CEP164: variants seen among roughly 807,000 people sequenced by gnomAD.
The protein encoded by CEP164 is centrosomal protein 164, also known as centrosomal protein of 164 kDa.
CEP164 carries 162 observed loss-of-function variants against 182.7 expected under a neutral mutation model. That is an observed-to-expected ratio of 0.89 (90% CI 0.78 to 1.01). The LOEUF is 1.01. Among genes scored for constraint, CEP164 ranks in the 50% least tolerant of loss-of-function variants. The pLI is 0.00. For synonymous variants in CEP164, 661 were observed against 690.0 expected, an observed-to-expected ratio of 0.96 and a Z score of 0.66; for missense variants, 1,735 against 1,790.4, an observed-to-expected ratio of 0.97 and a Z score of 0.56.
rs1421596312 is a variant in CEP164 at position 117,412,269 on chromosome 11, C to T, written c.*101C>T. ...TTCCATCTGAGAAAGCACCCTCCTT[C>T]CCCCTTTGACTTGCAGGAGCCACCA... On this transcript the variant is annotated 3_prime_UTR_variant, in exon 33 of 33. Transcript: ENST00000278935. 1.9e-5 allele frequency: 20 copies of T among 1,058,720 alleles called. No homozygotes were observed. The South Asian group carries it at 2.7e-4, about 14-fold the overall frequency. 65.6% of individuals were successfully genotyped at this position (1,058,720 alleles called of 1,614,324 possible). A position where few individuals can be genotyped will look rare whatever the true frequency, so the allele number is the denominator to read the frequency against.
chr11:117,340,855 A>T (rs765769906), intron 3 of CEP164, among the ~76,000 whole-genome samples: 21 of 152,002 alleles, frequency 1.4e-4, no homozygotes, highest in Non-Finnish European at 2.6e-4. Flanking sequence ...CTCTTTAGAG[A>T]CGGAGTCTCA....
intron 8 of CEP164, among the ~76,000 whole-genome samples, chr11:117,363,751 C>T (rs565844528): frequency 3.4e-5 from 5 of 147,304 alleles, no homozygotes; most frequent in Admixed American, 2.7e-4. Context: ...TACCTAAAAC[C>T]TCCAATGCTT....
chr11:117,340,778 C>A (rs1460975451), intron 3 of CEP164, among the ~76,000 whole-genome samples: 1 of 152,192 alleles, frequency 6.6e-6, no homozygotes, highest in Non-Finnish European at 1.5e-5. Context: ...CCTGTCTGGG[C>A]TTCCCAAAGT....
upstream of CEP164, chr11:117,323,877 C>A (rs1244359773): frequency 2.4e-6 from 1 of 410,806 alleles, no homozygotes; most frequent in South Asian, 1.7e-5. Context: ...TACCTGTTGG[C>A]CATTTGTATA....
chr11:117,408,039 C>T lies in CEP164; in HGVS notation c.3609+7C>T. On this transcript the variant is annotated splice_region_variant and intron_variant, in intron 28 of 32. Coordinates refer to ENST00000278935, the MANE Select transcript of CEP164 (RefSeq NM_014956.5). ...GTCCTCTCTTTGGGAAGAGGTGCAG[C>T]CCCATGTCCACATAGTCCAGTGGGC... 6.4e-7 allele frequency: 1 copy of T among 1,566,138 alleles called. No individual in the cohort carries two copies. The highest frequency in any genetic ancestry group is 1.3e-5 in the African/African-American group (1 of 74,264).
intron 27 of CEP164, among the ~76,000 whole-genome samples, chr11:117,399,829 G>A (rs985104624): frequency 6.6e-6 from 1 of 152,054 alleles, no homozygotes; most frequent in African/African-American, 2.4e-5. Context: ...TTTTTGATGA[G>A]GTTGTTTGTT....
At chr11:117,346,069 G>A (rs954929749) in intron 4 of CEP164, among the ~76,000 whole-genome samples, 3 of 152,106 alleles carry the variant, frequency 2.0e-5, no homozygotes, top group Non-Finnish European at 2.9e-5. Flanking sequence ...CAATGTTTGA[G>A]GTGCTGAGGG....
rs542780137 is a variant in CEP164 at position 117,382,555 on chromosome 11, C to T, written c.1578-241C>T. Among the ~76,000 whole-genome samples the T allele has an allele frequency of 1.2e-4, 18 of 152,242 alleles. No homozygotes were observed. The East Asian group carries it at 1.7e-3, about 15-fold the overall frequency. On this transcript the variant is annotated intron_variant, in intron 13 of 32. Transcript: ENST00000278935. ...GCATCCACTGAACACCTGCTGTGTA[C>T]GGAGCTCCTGGGGTACCATAACCAT...
chr11:117,393,390 C>G (rs1447990902), intron 20 of CEP164, among the ~76,000 whole-genome samples: 1 of 152,166 alleles, frequency 6.6e-6, no homozygotes, highest in Non-Finnish European at 1.5e-5. Context: ...GGCAATTCCT[C>G]TTTTATCAGG....
At chr11:117,364,744 T>A (rs114689950) in intron 8 of CEP164, among the ~76,000 whole-genome samples, 187 of 152,148 alleles carry the variant, frequency 1.2e-3, no homozygotes, top group African/African-American at 3.9e-3. Context: ...GTGATCCACC[T>A]ACCTTGGGCT....
rs760170526 is a variant in CEP164 at position 117,393,027 on chromosome 11, G to A, written c.2517G>A (p.Lys839=). Residue 839 remains lysine (K), a synonymous_variant, in exon 20 of 33, where the codon AAG becomes AAA. Coordinates refer to ENST00000278935, the MANE Select transcript of CEP164 (RefSeq NM_014956.5). ...EHELSSLLRE[K]RQEVEGEHER... The stretch of plus-strand genomic sequence containing the variant: ...AGCTCAGCAGTCTCCTGCGAGAGAA[G>A]CGCCAGGAAGTGGAAGGGGAGCATG... The A allele has an allele frequency of 7.4e-6, 12 of 1,613,600 alleles. No individual in the cohort carries two copies. The African/African-American group carries it at 1.6e-4, about 22-fold the overall frequency.
chr11:117,412,041 C>A (rs377318236), intron 32 of CEP164, 31 bp from the exon 33 acceptor site: 1 of 1,612,266 alleles, frequency 6.2e-7, no homozygotes, highest in African/African-American at 1.3e-5. Context: ...CTATGCCCAG[C>A]GACTGCAGTT....
Position 117,328,455 on chromosome 11 carries a change from C to T in CEP164, c.-98+551C>T, listed in dbSNP as rs149777131. ...TTGCATTGGATTTAAAAATGTCCCT[C>T]TACCTCTGGCACCGCTCTCCTCACT... is the stretch of plus-strand genomic sequence containing the variant. On this transcript the variant is annotated intron_variant, in intron 1 of 32. Coordinates refer to ENST00000278935, the MANE Select transcript of CEP164 (RefSeq NM_014956.5). 9.3e-4 allele frequency among the ~76,000 whole-genome samples: 142 copies of T among 152,336 alleles called. 6 individuals are homozygous for T. In the East Asian group the frequency reaches 0.025, roughly 27 times the overall value.
At chr11:117,352,858 A>T (rs1225619883) in intron 5 of CEP164, among the ~76,000 whole-genome samples, 1 of 152,226 alleles carries the variant, frequency 6.6e-6, no homozygotes, top group Non-Finnish European at 1.5e-5. Context: ...AAGTGCTGGG[A>T]TTACTGGTAT....
intron 27 of CEP164, among the ~76,000 whole-genome samples, chr11:117,406,645 A>G (rs1437542187): frequency 6.6e-6 from 1 of 151,952 alleles, no homozygotes; most frequent in African/African-American, 2.4e-5. Flanking sequence ...ACACTTAGCA[A>G]AAGGCTTTGA....
At chr11:117,358,453 G>A (rs1375456755) in intron 5 of CEP164, among the ~76,000 whole-genome samples, 1 of 151,898 alleles carries the variant, frequency 6.6e-6, no homozygotes, top group Non-Finnish European at 1.5e-5. Flanking sequence ...ACATAGGCTG[G>A]TTTGAAGGGC....
At chr11:117,399,746 CT>C (rs376726375) in intron 27 of CEP164, among the ~76,000 whole-genome samples, 7,633 of 151,572 alleles carry the variant, frequency 0.05, 242 homozygotes, top group Non-Finnish European at 0.059. Flanking sequence ...TGATGATGAG[CT>C]TTTTTTTTAT....
intron 8 of CEP164, among the ~76,000 whole-genome samples, chr11:117,367,411 C>T (rs1222134730): frequency 6.6e-6 from 1 of 152,146 alleles, no homozygotes; most frequent in Non-Finnish European, 1.5e-5. Context: ...TAGCATGAGC[C>T]CATCATGTGA....
intron 3 of CEP164, among the ~76,000 whole-genome samples, chr11:117,342,912 T>TC (rs2038330752): frequency 6.6e-6 from 1 of 152,200 alleles, no homozygotes; most frequent in Admixed American, 6.5e-5. Context: ...TCTTGCTTTG[T>TC]CCCCCAGGCT....
Sources: allele counts gnomAD v4.1 joint callset (sites outside exome capture counted in the v4.1 genomes callset), GRCh38; gene constraint gnomAD v4.1.1; transcripts MANE v1.5; gene names NCBI Gene and HGNC (gene_info 2026-07-23, HGNC 2026-07-21).